The following AGBL4 variants were observed in gnomAD, a reference collection of about 807,000 sequenced individuals.
AGBL4 encodes cytosolic carboxypeptidase 6.
A neutral mutation model predicts 66.4 loss-of-function variants in AGBL4; 58 were observed. The observed-to-expected ratio is 0.87, with a 90% CI of 0.71 to 1.09. The LOEUF is 1.09. Among genes scored for constraint, AGBL4 ranks in the 50% least tolerant of loss-of-function variants. The pLI, the probability that AGBL4 is intolerant of heterozygous loss-of-function variation, is 0.00. For synonymous variants in AGBL4, 234 were observed against 222.9 expected (o/e 1.05, Z -0.44); for missense variants, 579 against 631.0 (o/e 0.92, Z 0.88).
intron 8 of AGBL4, among the ~76,000 whole-genome samples, chr1:48,649,839 C>A (rs1645898818): frequency 1.3e-5 from 2 of 152,190 alleles, no homozygotes; most frequent in Admixed American, 1.3e-4. Flanking sequence ...GTGTGCTTAG[C>A]ACTGTGCTTT....
intron 3 of AGBL4, among the ~76,000 whole-genome samples, chr1:49,274,001 A>G (rs911010498): frequency 2.0e-5 from 3 of 152,132 alleles, no homozygotes; most frequent in Non-Finnish European, 2.9e-5. Flanking sequence ...TTACTTTTAA[A>G]TAAACGCCCA....
At chr1:49,389,586 G>A (rs1475181605) in intron 3 of AGBL4, among the ~76,000 whole-genome samples, 1 of 151,992 alleles carries the variant, frequency 6.6e-6, no homozygotes, top group African/African-American at 2.4e-5. Flanking sequence ...GAACTAAGCT[G>A]GTTTCCTGAC....
At chr1:49,378,941 T>C (rs1290411093) in intron 3 of AGBL4, among the ~76,000 whole-genome samples, 1 of 152,094 alleles carries the variant, frequency 6.6e-6, no homozygotes, top group Non-Finnish European at 1.5e-5. Context: ...GAGAAGGTTT[T>C]TTTTAAAAGG....
chr1:49,516,952 T>C (rs1417516969), intron 3 of AGBL4, among the ~76,000 whole-genome samples: 2 of 152,002 alleles, frequency 1.3e-5, no homozygotes, highest in African/African-American at 4.8e-5. Flanking sequence ...AAAACGATAA[T>C]CAAAACATAA....
At chr1:49,481,237 C>A (rs962005622) in intron 3 of AGBL4, among the ~76,000 whole-genome samples, 2 of 152,010 alleles carry the variant, frequency 1.3e-5, no homozygotes, top group African/African-American at 4.8e-5. Context: ...GCCATTTTAA[C>A]AATAATGATT....
intron 1 of AGBL4, among the ~76,000 whole-genome samples, chr1:49,866,801 T>G (rs1054265228): frequency 2.6e-5 from 4 of 152,016 alleles, no homozygotes; most frequent in African/African-American, 9.6e-5. Flanking sequence ...AGAATTTCTT[T>G]TTTTTTTTTC....
At chr1:49,738,729 G>C (rs1202640004) in intron 2 of AGBL4, among the ~76,000 whole-genome samples, 1 of 152,214 alleles carries the variant, frequency 6.6e-6, no homozygotes, top group Non-Finnish European at 1.5e-5. Flanking sequence ...CGATCAGGCA[G>C]CAACATTTGC....
intron 2 of AGBL4, among the ~76,000 whole-genome samples, chr1:49,731,717 A>G (rs1291813543): frequency 1.3e-5 from 2 of 151,990 alleles, no homozygotes; most frequent in South Asian, 2.1e-4. Flanking sequence ...AGGTGAAGGG[A>G]AAAAAAATAG....
intron 11 of AGBL4, among the ~76,000 whole-genome samples, chr1:48,574,148 A>G (rs1427343719): frequency 6.6e-6 from 1 of 152,230 alleles, no homozygotes; most frequent in East Asian, 1.9e-4. Flanking sequence ...TAGTGGAGCA[A>G]TCAGAGGATT....
At chr1:49,568,452 G>A (rs1300251227) in intron 3 of AGBL4, among the ~76,000 whole-genome samples, 1 of 145,592 alleles carries the variant, frequency 6.9e-6, no homozygotes, top group Non-Finnish European at 1.5e-5. Context: ...TCTCCCCAAT[G>A]AGAACTACAA....
In AGBL4 at chr1:48,946,048, A is replaced by G. The variant is rs12088763; in HGVS notation, c.595-78818T>C. ...TCTGAACTTCTGTTCACGCTATTCCACCCACGAGGAACACCATTCTCTTCC... is the reference window on the plus strand; with the variant it reads ...TCTGAACTTCTGTTCACGCTATTCCGCCCACGAGGAACACCATTCTCTTCC... On this transcript the variant is annotated intron_variant, in intron 5 of 13. Coordinates refer to ENST00000371839, the MANE Select transcript of AGBL4 (RefSeq NM_032785.4). 2.2e-3 allele frequency among the ~76,000 whole-genome samples: 338 copies of G among 152,294 alleles called. 5 individuals are homozygous for G. The highest frequency in any genetic ancestry group is 7.1e-3 in the African/African-American group (293 of 41,544).
intron 1 of AGBL4, among the ~76,000 whole-genome samples, chr1:49,875,096 G>A (rs1248665968): frequency 6.9e-6 from 1 of 145,174 alleles, no homozygotes; most frequent in Admixed American, 6.9e-5. Context: ...TTGTTCTTGT[G>A]ATAGTTTACT....
chr1:49,854,771 T>G (rs1253987828), intron 1 of AGBL4, among the ~76,000 whole-genome samples: 1 of 151,944 alleles, frequency 6.6e-6, no homozygotes, highest in Non-Finnish European at 1.5e-5. Flanking sequence ...ATAGACAGTA[T>G]AGCACACCAG....
At chr1:49,292,368 C>T (rs995102298) in intron 3 of AGBL4, among the ~76,000 whole-genome samples, 1 of 152,200 alleles carries the variant, frequency 6.6e-6, no homozygotes, top group East Asian at 1.9e-4. Flanking sequence ...CCCAGTTAGA[C>T]CCCACCTTCA....
intron 4 of AGBL4, among the ~76,000 whole-genome samples, chr1:49,057,174 G>C (rs1368725045): frequency 6.6e-6 from 1 of 152,184 alleles, no homozygotes; most frequent in Non-Finnish European, 1.5e-5. Context: ...ATCAAGGCAG[G>C]TGGATCCCTT....
chr1:48,979,809 T>C (rs893382920), intron 5 of AGBL4, among the ~76,000 whole-genome samples: 5 of 152,182 alleles, frequency 3.3e-5, no homozygotes, highest in African/African-American at 1.2e-4. Flanking sequence ...AAGATTTGAA[T>C]GGCAATTACA....
intron 4 of AGBL4, among the ~76,000 whole-genome samples, chr1:49,176,649 T>C (rs1452729569): frequency 6.6e-6 from 1 of 152,140 alleles, no homozygotes; most frequent in East Asian, 1.9e-4. Context: ...TTGCGCAAAC[T>C]GCTTCTAATG....
intron 2 of AGBL4, among the ~76,000 whole-genome samples, chr1:49,739,878 G>A (rs1221444214): frequency 1.3e-5 from 2 of 152,090 alleles, no homozygotes; most frequent in African/African-American, 2.4e-5. Flanking sequence ...CACCAGGCCT[G>A]CCCTACAAGA....
chr1:49,225,976 G>A (rs914266434), intron 4 of AGBL4, among the ~76,000 whole-genome samples: 1 of 152,164 alleles, frequency 6.6e-6, no homozygotes. Context: ...AGTGTTTTAT[G>A]TTATCTTCTT....
Sources: allele counts gnomAD v4.1 joint callset (sites outside exome capture counted in the v4.1 genomes callset), GRCh38; gene constraint gnomAD v4.1.1; transcripts MANE v1.5; gene names NCBI Gene and HGNC (gene_info 2026-07-23, HGNC 2026-07-21).